The following GPR26 variants were observed in gnomAD, a reference collection of about 807,000 sequenced individuals.
GPR26 encodes G protein-coupled receptor 26.
In GPR26, 15 loss-of-function variants were observed where a neutral mutation model predicts 23.1. The observed-to-expected ratio is 0.65, with a 90% CI of 0.43 to 1.00. GPR26 has a LOEUF of 1.00. Ranked by LOEUF, GPR26 falls within the 50% of genes least tolerant of loss-of-function variation. GPR26 has a pLI of 0.00. For synonymous variants in GPR26, 228 were observed against 222.1 expected, an observed-to-expected ratio of 1.03 and a Z score of -0.24; for missense variants, 359 against 470.5, an observed-to-expected ratio of 0.76 and a Z score of 2.19.
rs1410771631 is a variant in GPR26 at position 123,689,991 on chromosome 10, T to C, written c.*1831T>C. On this transcript the variant is annotated 3_prime_UTR_variant, in exon 3 of 3. Transcript: ENST00000284674. ...TAGCTGAAGTCAGCCACGGTGGGAG[T>C]GTTTATACCATGAAAATCAGCAAGT... 1 of 151,570 alleles carries C rather than the reference T, an allele frequency of 6.6e-6. No individual in the cohort carries two copies. The highest frequency in any genetic ancestry group is 1.5e-5 in the Non-Finnish European group (1 of 67,922). 9.4% of individuals were successfully genotyped at this position (151,570 alleles called of 1,614,324 possible).
Position 123,690,630 on chromosome 10 carries a change from A to C in GPR26, c.*2470A>C, listed in dbSNP as rs1452109156. ...CTCCAGATAAATCCATTGATTGGGT[A>C]TTTTCATTATTATTTGGACACATGA... is the stretch of plus-strand genomic sequence containing the variant. On this transcript the variant is annotated 3_prime_UTR_variant, in exon 3 of 3. Coordinates refer to ENST00000284674, the MANE Select transcript of GPR26 (RefSeq NM_153442.4). The C allele has an allele frequency of 6.6e-6, 1 of 152,210 alleles. No individual in the cohort carries two copies. Among genetic ancestry groups the C allele is most frequent in the East Asian group, 1.9e-4 (1 of 5,204 alleles). 9.4% of individuals were successfully genotyped at this position (152,210 alleles called of 1,614,324 possible).
At chr10:123,685,589 A>G (rs1467658253) in intron 2 of GPR26, among the ~76,000 whole-genome samples, 1 of 152,240 alleles carries the variant, frequency 6.6e-6, no homozygotes, top group African/African-American at 2.4e-5. Context: ...GATAAAGGCC[A>G]GACATTGGCT....
rs988023924 is a variant in GPR26, at chr10:123,693,244, G to A, written c.*5084G>A. On this transcript the variant is annotated 3_prime_UTR_variant, in exon 3 of 3. Coordinates refer to ENST00000284674, the MANE Select transcript of GPR26 (RefSeq NM_153442.4). ...AGCAACCTCTGTGCCCAGAACATAC[G>A]GCTCACAAGTCCTTTGTGCCGACAG... 6.6e-6 allele frequency: 1 copy of A among 152,140 alleles called. No homozygotes were observed. The highest frequency in any genetic ancestry group is 1.5e-5 in the Non-Finnish European group (1 of 68,044). The allele number at this position is 152,140 out of a possible 1,614,324, so 9.4% of individuals were successfully genotyped here.
Position 123,683,356 on chromosome 10 carries a change from C to T in GPR26, c.783-4573C>T, listed in dbSNP as rs1589929474. Among the ~76,000 whole-genome samples the T allele has an allele frequency of 2.0e-5, 3 of 152,238 alleles. No homozygotes were observed. In the South Asian group the frequency reaches 6.2e-4, roughly 31 times the overall value. The stretch of plus-strand genomic sequence containing the variant: ...ACCATAGGGAGAGTGATACTGGGGT[C>T]CTGAGATGGTCTCTGTGAAGCAGTT... On this transcript the variant is annotated intron_variant, in intron 2 of 2. Transcript: ENST00000284674.
In GPR26 at chr10:123,688,633, CCT is replaced by C; in HGVS notation, c.*475_*476del. ...CATTTGGCCCGGATCTAACATGGCA[CCT>C]CGTCTCCACAGGGTAGTGGTGGCTG... On this transcript the variant is annotated 3_prime_UTR_variant, in exon 3 of 3. Coordinates refer to ENST00000284674, the MANE Select transcript of GPR26 (RefSeq NM_153442.4). 1.1e-5 allele frequency: 2 copies of C among 185,884 alleles called. No homozygotes were observed. Among genetic ancestry groups the C allele is most frequent in the Non-Finnish European group, 2.3e-5 (2 of 88,078 alleles). 11.5% of individuals were successfully genotyped at this position (185,884 alleles called of 1,614,324 possible).
rs767570402 is a variant in GPR26 at position 123,688,075 on chromosome 10, A to T, written c.929A>T (p.Asn310Ile). ...CGCAAAAGCTGCAAGGAGATTCTGA[A>T]CAGGCTCCTGCACAGACGCTCCATC... is the stretch of plus-strand genomic sequence containing the variant. ...QYRKSCKEIL[N>I]RLLHRRSIHS... Residue 310 changes from asparagine to isoleucine, a missense_variant, in exon 3 of 3, where the codon AAC becomes ATC. By Grantham distance (149) the Asn-to-Ile change is moderately radical. Coordinates refer to ENST00000284674, the MANE Select transcript of GPR26 (RefSeq NM_153442.4). The T allele has an allele frequency of 2.1e-5, 34 of 1,613,896 alleles. No individual in the cohort carries two copies. The highest frequency in any genetic ancestry group is 2.7e-5 in the Non-Finnish European group (32 of 1,179,964).
At chr10:123,679,227 C>G (rs1306752980) in intron 2 of GPR26, among the ~76,000 whole-genome samples, 1 of 152,158 alleles carries the variant, frequency 6.6e-6, no homozygotes, top group Non-Finnish European at 1.5e-5. Flanking sequence ...TCTAAGCTAT[C>G]ATGTCATGCA....
rs1845524595 is a variant in GPR26, at chr10:123,694,766, G to GAAGT, written c.*6609_*6610insTAAG. 7.2e-6 allele frequency among the ~76,000 whole-genome samples: 1 copy of GAAGT among 139,066 alleles called. No individual in the cohort carries two copies. The highest frequency in any genetic ancestry group is 3.0e-5 in the African/African-American group (1 of 33,578). The allele number at this position is 139,066 out of a possible 152,430, so 91.2% of individuals were successfully genotyped here. A position where few individuals can be genotyped will look rare whatever the true frequency, so the allele number is the denominator to read the frequency against. On this transcript the variant is annotated 3_prime_UTR_variant, in exon 3 of 3. Coordinates refer to ENST00000284674, the MANE Select transcript of GPR26 (RefSeq NM_153442.4). ...CAGATTCCCTAGGAAGTTGAACGAA[G>GAAGT]AAGGAAGGAAGGAAGAAAGGAGAGA...
chr10:123,684,409 G>A lies in GPR26; in HGVS notation c.783-3520G>A, dbSNP rs188473296. On this transcript the variant is annotated intron_variant, in intron 2 of 2. Coordinates refer to ENST00000284674, the MANE Select transcript of GPR26 (RefSeq NM_153442.4). ...CCCAGAACAACCACACAACCACACA[G>A]CCTCCCCTGCTCCCCATGGGGTTCT... 2.6e-3 allele frequency among the ~76,000 whole-genome samples: 396 copies of A among 152,286 alleles called. 3 individuals carry two copies. Among genetic ancestry groups the A allele is most frequent in the African/African-American group, 8.9e-3 (371 of 41,560 alleles).
At chr10:123,682,127 C>T (rs912843414) in intron 2 of GPR26, among the ~76,000 whole-genome samples, 20 of 152,184 alleles carry the variant, frequency 1.3e-4, no homozygotes, top group Non-Finnish European at 7.3e-5. Flanking sequence ...TAGGGCCACG[C>T]ATAAGTACCA....
intron 2 of GPR26, among the ~76,000 whole-genome samples, chr10:123,675,832 A>ATGTGTGTGTGTGTGTGTGTG (rs1564731113): frequency 2.2e-5 from 1 of 45,344 alleles, no homozygotes; most frequent in Non-Finnish European, 4.6e-5. Context: ...GTGTGTGTGT[A>ATGTGTGTGTGTGTGTGTGTG]CGTGTGTGTG....
rs1845182021 is a variant in GPR26, at chr10:123,666,376, C to T, written c.-32C>T. The T allele has an allele frequency of 6.0e-6, 8 of 1,326,090 alleles. No individual in the cohort carries two copies. The highest frequency in any genetic ancestry group is 7.7e-6 in the Non-Finnish European group (8 of 1,041,418). The allele number at this position is 1,326,090 out of a possible 1,614,324, so 82.1% of individuals were successfully genotyped here. On this transcript the variant is annotated 5_prime_UTR_variant, in exon 1 of 3. Coordinates refer to ENST00000284674, the MANE Select transcript of GPR26 (RefSeq NM_153442.4). The stretch of plus-strand genomic sequence containing the variant: ...GCAGCGCCATGGCGGCGCCGGGTTG[C>T]GGACCCTGAGCGCCGGCGCGGGGCG...
intron 1 of GPR26, among the ~76,000 whole-genome samples, chr10:123,671,688 G>C (rs892920282): frequency 4.6e-5 from 7 of 152,182 alleles, no homozygotes; most frequent in Admixed American, 3.3e-4. Flanking sequence ...GTTTGAGAAT[G>C]CCCGCCACTC....
At chr10:123,680,954 C>T (rs1564732191) in intron 2 of GPR26, among the ~76,000 whole-genome samples, 1 of 152,040 alleles carries the variant, frequency 6.6e-6, no homozygotes, top group Non-Finnish European at 1.5e-5. Context: ...ATTCTCCTGC[C>T]TCAGCCACCC....
In GPR26 at chr10:123,688,401, G is replaced by A. The variant is rs937174325; in HGVS notation, c.*241G>A. 1.7e-5 allele frequency: 9 copies of A among 527,334 alleles called. No homozygotes were observed. The highest frequency in any genetic ancestry group is 6.9e-6 in the Non-Finnish European group (2 of 291,242). 32.7% of individuals were successfully genotyped at this position (527,334 alleles called of 1,614,324 possible). ...GCCGTGTGCTGGCCTTTCTTTCTAA[G>A]AAGCTGCTTTGAGCTCCTGGACTCA... On this transcript the variant is annotated 3_prime_UTR_variant, in exon 3 of 3. Coordinates refer to ENST00000284674, the MANE Select transcript of GPR26 (RefSeq NM_153442.4).
intron 2 of GPR26, among the ~76,000 whole-genome samples, chr10:123,687,396 G>T (rs185059634): frequency 2.6e-5 from 4 of 152,186 alleles, no homozygotes; most frequent in African/African-American, 4.8e-5. Flanking sequence ...TCATTGAGAC[G>T]ATATTGTCCC....
Position 123,696,113 on chromosome 10 carries a change from G to A in GPR26, c.*7953G>A, listed in dbSNP as rs1845540559. Among the ~76,000 whole-genome samples the A allele has an allele frequency of 2.0e-5, 3 of 152,208 alleles. No individual in the cohort carries two copies. The highest frequency in any genetic ancestry group is 7.2e-5 in the African/African-American group (3 of 41,464). Reference sequence around the variant, plus strand: ...ATTATTAATGCTGGTGTTTGGTGAGGAAGCTCCTAGGAATGCATAGATCTC... The same window carrying A: ...ATTATTAATGCTGGTGTTTGGTGAGAAAGCTCCTAGGAATGCATAGATCTC... On this transcript the variant is annotated 3_prime_UTR_variant, in exon 3 of 3. Coordinates refer to ENST00000284674, the MANE Select transcript of GPR26 (RefSeq NM_153442.4).
chr10:123,687,883 G>A (rs776743809), intron 2 of GPR26, 46 bp from the exon 3 acceptor site: 122 of 1,356,128 alleles, frequency 9.0e-5, no homozygotes, highest in African/African-American at 1.1e-4. Flanking sequence ...CACTCCCAGC[G>A]GTGCTTAGCT....
chr10:123,678,370 A>G (rs568595644), intron 2 of GPR26, among the ~76,000 whole-genome samples: 1 of 152,186 alleles, frequency 6.6e-6, no homozygotes, highest in South Asian at 2.1e-4. Context: ...AGCCACTCTA[A>G]GAGGATGCTC....
Sources: gnomAD v4.1 joint callset for allele counts (sites outside exome capture counted in the v4.1 genomes callset) on GRCh38, gnomAD v4.1.1 for gene constraint, MANE v1.5 for transcripts, NCBI Gene and HGNC (gene_info 2026-07-23, HGNC 2026-07-21) for gene names.